Variants in LRRC3B observed in about 807,000 individuals in gnomAD.
LRRC3B encodes leucine rich repeat containing 3B.
In LRRC3B, 2 loss-of-function variants were observed where a neutral mutation model predicts 12.8. That is an observed-to-expected ratio of 0.16 (90% CI 0.06 to 0.49). The LOEUF (loss-of-function observed/expected upper bound fraction) is 0.49. Among genes scored for constraint, LRRC3B ranks in the 20% least tolerant of loss-of-function variants. The pLI, the probability that LRRC3B is intolerant of heterozygous loss-of-function variation, is 0.96. For synonymous variants in LRRC3B, 132 were observed against 122.0 expected, an observed-to-expected ratio of 1.08 and a Z score of -0.54; for missense variants, 189 against 319.4, an observed-to-expected ratio of 0.59 and a Z score of 3.11.
intron 1 of LRRC3B, among the ~76,000 whole-genome samples, chr3:26,637,558 A>G (rs1010988599): frequency 1.3e-5 from 2 of 152,216 alleles, no homozygotes; most frequent in African/African-American, 4.8e-5. Flanking sequence ...GTCCAGGGCT[A>G]GGAAACACTT....
chr3:26,644,228 G>A (rs573676640), intron 1 of LRRC3B, among the ~76,000 whole-genome samples: 24 of 152,318 alleles, frequency 1.6e-4, no homozygotes, highest in East Asian at 5.8e-4. Context: ...GGTAGTATTC[G>A]AGTGACTAAT....
chr3:26,649,084 TA>T (rs1163397907), intron 1 of LRRC3B, among the ~76,000 whole-genome samples: 1 of 152,162 alleles, frequency 6.6e-6, no homozygotes, highest in Non-Finnish European at 1.5e-5. Context: ...ACACTACCTT[TA>T]AAAAAGTGTT....
intron 1 of LRRC3B, among the ~76,000 whole-genome samples, chr3:26,691,902 A>T (rs1196060785): frequency 6.6e-6 from 1 of 152,136 alleles, no homozygotes. Flanking sequence ...ATGTCATTTA[A>T]ATTCTTCACT....
At chr3:26,646,628 A>AC (rs1699155177) in intron 1 of LRRC3B, among the ~76,000 whole-genome samples, 5 of 130,324 alleles carry the variant, frequency 3.8e-5, no homozygotes, top group Non-Finnish European at 1.7e-5. Flanking sequence ...AAAAAAAAAA[A>AC]AAAAAAAACG....
In LRRC3B at chr3:26,705,183, GT is replaced by G. The variant is rs555688861; in HGVS notation, c.-160-4323del. The stretch of plus-strand genomic sequence containing the variant: ...AATGAACACCCTGTTAAATGCACTG[GT>G]TTTTTTCTTCTGGAAATGGTATTTG... On this transcript the variant is annotated intron_variant, in intron 1 of 1. Coordinates refer to ENST00000396641, the Ensembl canonical transcript of LRRC3B. 6.1e-3 allele frequency among the ~76,000 whole-genome samples: 932 copies of G among 152,210 alleles called. 7 individuals are homozygous for G. The highest frequency in any genetic ancestry group is 0.017 in the Middle Eastern group (5 of 294).
At chr3:26,652,232 C>T (rs1699279276) in intron 1 of LRRC3B, among the ~76,000 whole-genome samples, 1 of 152,208 alleles carries the variant, frequency 6.6e-6, no homozygotes, top group Non-Finnish European at 1.5e-5. Flanking sequence ...TGTGGAATAA[C>T]ACCTGCATGA....
At chr3:26,649,401 A>C (rs1387589480) in intron 1 of LRRC3B, among the ~76,000 whole-genome samples, 6 of 152,182 alleles carry the variant, frequency 3.9e-5, no homozygotes, top group Non-Finnish European at 8.8e-5. Context: ...TATTTAGTTG[A>C]GAATATTCAG....
At chr3:26,680,550 A>G (rs917282539) in intron 1 of LRRC3B, among the ~76,000 whole-genome samples, 1 of 152,222 alleles carries the variant, frequency 6.6e-6, no homozygotes, top group African/African-American at 2.4e-5. Context: ...TGTCACACGT[A>G]TTACACCTCA....
chr3:26,662,428 T>C (rs771662085), intron 1 of LRRC3B, among the ~76,000 whole-genome samples: 9 of 152,134 alleles, frequency 5.9e-5, no homozygotes, highest in Non-Finnish European at 1.3e-4. Context: ...TCCCTTAAAG[T>C]GCCCCCATTC....
At chr3:26,704,629 G>A (rs1257746491) in intron 1 of LRRC3B, among the ~76,000 whole-genome samples, 1 of 151,470 alleles carries the variant, frequency 6.6e-6, no homozygotes, top group Non-Finnish European at 1.5e-5. Flanking sequence ...CAAACTTCTG[G>A]GCTCAAATAA....
rs547097463 is a variant in LRRC3B, at chr3:26,629,335, A to G, written c.-161+6098A>G. Reference sequence around the variant, plus strand: ...CAGTAACTTACTGGGAGAGACTGCTATAATATTTCAGGACAAATACGTCCT... The same window carrying G: ...CAGTAACTTACTGGGAGAGACTGCTGTAATATTTCAGGACAAATACGTCCT... On this transcript the variant is annotated intron_variant, in intron 1 of 1. Transcript: ENST00000396641. Among the ~76,000 whole-genome samples the G allele has an allele frequency of 2.1e-3, 318 of 152,264 alleles. 2 individuals carry two copies. The highest frequency in any genetic ancestry group is 7.3e-3 in the African/African-American group (304 of 41,530).
At chr3:26,690,314 G>T (rs1211715365) in intron 1 of LRRC3B, among the ~76,000 whole-genome samples, 1 of 152,088 alleles carries the variant, frequency 6.6e-6, no homozygotes, top group Non-Finnish European at 1.5e-5. Context: ...TCTCTCCTCT[G>T]CTTGACTTTC....
At chr3:26,628,703 T>C (rs1698685359) in intron 1 of LRRC3B, among the ~76,000 whole-genome samples, 1 of 151,974 alleles carries the variant, frequency 6.6e-6, no homozygotes, top group Admixed American at 6.6e-5. Flanking sequence ...TAATGACATA[T>C]GAAATGGCCA....
chr3:26,710,032 G>A (rs1458824420), exon 2 of LRRC3B: 2 of 1,613,964 alleles, frequency 1.2e-6, no homozygotes, highest in Non-Finnish European at 1.7e-6. Flanking sequence ...CTCTGGACTT[G>A]TCCGACAATC....
At chr3:26,680,091 G>A (rs185626386) in intron 1 of LRRC3B, among the ~76,000 whole-genome samples, 253 of 152,266 alleles carry the variant, frequency 1.7e-3, no homozygotes, top group Admixed American at 4.6e-3. Flanking sequence ...TGACACAGTA[G>A]GTCTGAGACA....
chr3:26,684,853 A>C (rs756565877), intron 1 of LRRC3B, among the ~76,000 whole-genome samples: 5 of 152,240 alleles, frequency 3.3e-5, no homozygotes, highest in Non-Finnish European at 7.3e-5. Flanking sequence ...TTATTCATTC[A>C]GATCCCTGAG....
chr3:26,709,251 T>C (rs1700686576), intron 1 of LRRC3B, among the ~76,000 whole-genome samples: 1 of 151,996 alleles, frequency 6.6e-6, no homozygotes, highest in Admixed American at 6.6e-5. Context: ...AAATAGGGAG[T>C]ATTTGTTCTC....
chr3:26,701,173 A>T (rs1218588307), intron 1 of LRRC3B: 1 of 152,136 alleles, frequency 6.6e-6, no homozygotes, highest in Non-Finnish European at 1.5e-5. Flanking sequence ...GATTAACAAA[A>T]ACCCTGAATT....
At chr3:26,691,071 A>G (rs1575166300) in intron 1 of LRRC3B, among the ~76,000 whole-genome samples, 1 of 140,252 alleles carries the variant, frequency 7.1e-6, no homozygotes, top group African/African-American at 2.6e-5. Flanking sequence ...ACATATATAT[A>G]TGTATATGTG....
Sources: allele counts gnomAD v4.1 joint callset (sites outside exome capture counted in the v4.1 genomes callset), GRCh38; gene constraint gnomAD v4.1.1; transcripts MANE v1.5; gene names NCBI Gene and HGNC (gene_info 2026-07-23, HGNC 2026-07-21).